MYPOP: variants seen among roughly 807,000 people sequenced by gnomAD.
MYPOP encodes the protein myb-related transcription factor, partner of profilin.
In MYPOP, 21 loss-of-function variants were observed where a neutral mutation model predicts 25.7. The ratio of observed to expected loss-of-function variants is 0.82; its 90% CI spans 0.58 to 1.18. The LOEUF (loss-of-function observed/expected upper bound fraction) is 1.18, where lower values mean the gene tolerates loss of function less well. Among genes scored for constraint, MYPOP ranks in the 50% most tolerant of loss-of-function variants. MYPOP has a pLI of 0.00. For missense variants in MYPOP, 566 were observed against 588.3 expected (o/e 0.96, Z 0.39); for synonymous variants, 280 against 247.9 (o/e 1.13, Z -1.22).
At chr19:45,896,206 G>A (rs1348035047) in intron 2 of MYPOP, among the ~76,000 whole-genome samples, 3 of 152,118 alleles carry the variant, frequency 2.0e-5, no homozygotes, top group African/African-American at 4.8e-5. Flanking sequence ...CACAAGAATC[G>A]CTTGAACCCT....
At chr19:45,894,879 C>T (rs1469070389) in intron 2 of MYPOP, among the ~76,000 whole-genome samples, 1 of 151,576 alleles carries the variant, frequency 6.6e-6, no homozygotes, top group Non-Finnish European at 1.5e-5. Flanking sequence ...CCACCATGCC[C>T]AGCTAATTTT....
chr19:45,890,683 T>TG lies in MYPOP; in HGVS notation c.1139dup (p.His381ThrfsTer69), dbSNP rs757587344. On this transcript the variant is annotated frameshift_variant, in exon 3 of 3. Transcript: ENST00000322217. LOFTEE classifies it high-confidence loss of function. ...TAGGGAAACCTTTTCTCCGCTTGTGTGGGGGGGAGTCGTGCGGAGGGAGCG... is the reference window on the plus strand; with the variant it reads ...TAGGGAAACCTTTTCTCCGCTTGTGTGGGGGGGGAGTCGTGCGGAGGGAGCG... The TG allele has an allele frequency of 2.6e-5, 18 of 702,148 alleles. No homozygotes were observed. The highest frequency in any genetic ancestry group is 7.0e-5 in the East Asian group (1 of 14,326). 43.5% of individuals were successfully genotyped at this position (702,148 alleles called of 1,614,324 possible). A position where few individuals can be genotyped will look rare whatever the true frequency, so the allele number is the denominator to read the frequency against.
Position 45,901,281 on chromosome 19 carries a change from G to A in MYPOP, c.493C>T (p.Arg165Cys). The A allele has an allele frequency of 6.9e-7, 1 of 1,448,046 alleles. No individual in the cohort carries two copies. The highest frequency in any genetic ancestry group is 9.1e-7 in the Non-Finnish European group (1 of 1,101,504). The allele number at this position is 1,448,046 out of a possible 1,614,324, so 89.7% of individuals were successfully genotyped here. The change falls in exon 2 of 3, where the codon CGT (arginine) becomes TGT (cysteine). Residue 165 changes from arginine to cysteine, a missense_variant. By Grantham distance (180) the Arg-to-Cys change is radical. Transcript: ENST00000322217. The surrounding 1 kb of genome is among the most constrained non-coding windows in gnomAD (Gnocchi z 5.7). ...VLSEDRREDR[R>C]ADTSAHSKAG... Reference sequence around the variant, plus strand: ...CTACTCTGAAGACACTCACCTGCACGTCGGTCCTCCCGGCGGTCTTCCGAC... The same window carrying A: ...CTACTCTGAAGACACTCACCTGCACATCGGTCCTCCCGGCGGTCTTCCGAC...
At chr19:45,892,766 C>T (rs78740252) in intron 2 of MYPOP, among the ~76,000 whole-genome samples, 2 of 152,316 alleles carry the variant, frequency 1.3e-5, no homozygotes, top group Non-Finnish European at 2.9e-5. Flanking sequence ...CTTCCTGGTC[C>T]CCCACCCTGG....
At chr19:45,892,337 A>C (rs1455302518) in intron 2 of MYPOP, among the ~76,000 whole-genome samples, 1 of 152,102 alleles carries the variant, frequency 6.6e-6, no homozygotes, top group Non-Finnish European at 1.5e-5. Context: ...ACTGGTGGAC[A>C]CTTCCCTGAG....
chr19:45,896,128 T>C (rs1333306037), intron 2 of MYPOP, among the ~76,000 whole-genome samples: 1 of 151,970 alleles, frequency 6.6e-6, no homozygotes, highest in Admixed American at 6.6e-5. Context: ...CTGTCTCTAC[T>C]CAAAATACAA....
intron 2 of MYPOP, among the ~76,000 whole-genome samples, chr19:45,891,821 GA>G (rs1967130870): frequency 6.6e-6 from 1 of 152,160 alleles, no homozygotes; most frequent in Admixed American, 6.5e-5. Flanking sequence ...ACCCGGAGGA[GA>G]AAAAGTCCTG....
At chr19:45,893,866 T>G (rs1967162930) in intron 2 of MYPOP, among the ~76,000 whole-genome samples, 1 of 149,628 alleles carries the variant, frequency 6.7e-6, no homozygotes, top group African/African-American at 2.4e-5. Flanking sequence ...CTCAGCTCAC[T>G]GCAAGCTCCG....
Position 45,890,388 on chromosome 19 carries a change from A to C in MYPOP, c.*235T>G, listed in dbSNP as rs1967099108. On this transcript the variant is annotated 3_prime_UTR_variant, in exon 3 of 3. Transcript: ENST00000322217. ...AATAACATGAAATTGATGGCTTAGA[A>C]GTCAGGGTTAAGGGAGGCAGCCAGG... The C allele has an allele frequency of 1.9e-6, 1 of 515,860 alleles. No individual in the cohort carries two copies. Among genetic ancestry groups the C allele is most frequent in the African/African-American group, 2.0e-5 (1 of 50,184 alleles). The allele number at this position is 515,860 out of a possible 1,614,324, so 32.0% of individuals were successfully genotyped here.
intron 2 of MYPOP, among the ~76,000 whole-genome samples, chr19:45,896,846 C>T (rs999467801): frequency 4.0e-5 from 6 of 151,712 alleles, no homozygotes; most frequent in African/African-American, 1.2e-4. Flanking sequence ...AGGATGGTCT[C>T]GATCTCCTGA....
intron 2 of MYPOP, among the ~76,000 whole-genome samples, chr19:45,900,906 G>A (rs935644972): frequency 6.6e-6 from 1 of 152,152 alleles, no homozygotes; most frequent in Non-Finnish European, 1.5e-5. Flanking sequence ...CCATTTTACA[G>A]ATGCAGCAAC....
intron 2 of MYPOP, among the ~76,000 whole-genome samples, chr19:45,900,960 G>C (rs1967279766): frequency 6.6e-6 from 1 of 152,190 alleles, no homozygotes; most frequent in African/African-American, 2.4e-5. Flanking sequence ...CAGTGGCAAA[G>C]TTGTGATCGG....
At chr19:45,892,683 T>C (rs1967143001) in intron 2 of MYPOP, among the ~76,000 whole-genome samples, 1 of 152,088 alleles carries the variant, frequency 6.6e-6, no homozygotes, top group Non-Finnish European at 1.5e-5. Context: ...CTTCACTGTT[T>C]TGTTTACTAA....
At position 45,901,686 on chromosome 19, in the gene MYPOP, G is replaced by C; in HGVS notation, c.88C>G (p.Arg30Gly). 6.2e-7 allele frequency: 1 copy of C among 1,607,972 alleles called. No individual in the cohort carries two copies. The highest frequency in any genetic ancestry group is 1.3e-5 in the African/African-American group (1 of 74,602). Residue 30 changes from arginine to glycine, a missense_variant, in exon 2 of 3, where the codon CGC (arginine) becomes GGC (glycine). Transcript: ENST00000322217. The surrounding 1 kb of genome is among the most constrained non-coding windows in gnomAD (Gnocchi z 5.7). Reference protein sequence around the residue: ...FSFEENQILIREVRAHYPQLY... With the variant: ...FSFEENQILIGEVRAHYPQLY... The stretch of plus-strand genomic sequence containing the variant: ...TGCGGGTAGTGGGCGCGCACCTCGC[G>C]GATCAGGATCTGGTTCTCTTCGAAT...
Position 45,891,132 on chromosome 19 carries a change from G to GTGGGGGTGGCAGTGGAGGGGC in MYPOP, c.670_690dup (p.Ala224_Pro230dup). ...GAGGGTGCCACTTGGGCCAGTGGCG[G>GTGGGGGTGGCAGTGGAGGGGC]TGGGGGTGGCAGTGGAGGGGCTGGG... is the stretch of plus-strand genomic sequence containing the variant. On this transcript the variant is annotated inframe_insertion, in exon 3 of 3. Coordinates refer to ENST00000322217, the MANE Select transcript of MYPOP (RefSeq NM_001012643.4). 1 of 1,479,558 alleles carries GTGGGGGTGGCAGTGGAGGGGC rather than the reference G, an allele frequency of 6.8e-7. No homozygotes were observed. The highest frequency in any genetic ancestry group is 9.0e-7 in the Non-Finnish European group (1 of 1,112,824). The allele number at this position is 1,479,558 out of a possible 1,614,324, so 91.7% of individuals were successfully genotyped here. A position where few individuals can be genotyped will look rare whatever the true frequency, so the allele number is the denominator to read the frequency against.
At chr19:45,892,988 A>G in intron 2 of MYPOP, among the ~76,000 whole-genome samples, 1 of 152,202 alleles carries the variant, frequency 6.6e-6, no homozygotes, top group South Asian at 2.1e-4. Flanking sequence ...AAATAGGCAA[A>G]TTTGGCCGCA....
At position 45,901,988 on chromosome 19, in the gene MYPOP, G is replaced by A. The variant is rs59367852; in HGVS notation, c.-52-163C>T. 0.24 allele frequency among the ~76,000 whole-genome samples: 36,650 copies of A among 151,224 alleles called. 4,876 individuals carry two copies. Among genetic ancestry groups the A allele is most frequent in the East Asian group, 0.49 (2,475 of 5,022 alleles). ...CCGGGTAAGTCGGAAGCGCCTAAGA[G>A]TAGCTGACACCGGCTGAGCGCTTGG... On this transcript the variant is annotated intron_variant, in intron 1 of 2. Coordinates refer to ENST00000322217, the MANE Select transcript of MYPOP (RefSeq NM_001012643.4). The surrounding 1 kb of genome is among the most constrained non-coding windows in gnomAD (Gnocchi z 5.7).
At chr19:45,900,491 A>G (rs1303598089) in intron 2 of MYPOP, among the ~76,000 whole-genome samples, 1 of 39,354 alleles carries the variant, frequency 2.5e-5, no homozygotes, top group Non-Finnish European at 4.6e-5. Context: ...CTGGGCTCCC[A>G]CAGTCCCTGG....
intron 2 of MYPOP, among the ~76,000 whole-genome samples, chr19:45,894,136 G>A (rs1442671904): frequency 2.0e-5 from 3 of 149,866 alleles, no homozygotes; most frequent in Admixed American, 6.7e-5. Flanking sequence ...TTTTTGAGAC[G>A]GAGTCTCGCT....
Sources: gnomAD v4.1 joint callset for allele counts (sites outside exome capture counted in the v4.1 genomes callset) on GRCh38, gnomAD v4.1.1 for gene constraint, Gnocchi (gnomAD v3.1) non-coding constraint, MANE v1.5 for transcripts, NCBI Gene and HGNC (gene_info 2026-07-23, HGNC 2026-07-21) for gene names.